UBA2: variants seen among roughly 807,000 people sequenced by gnomAD.
UBA2 encodes the protein ubiquitin like modifier activating enzyme 2, also known as SUMO-activating enzyme subunit 2.
A neutral mutation model predicts 77.2 loss-of-function variants in UBA2; 11 were observed. The ratio of observed to expected loss-of-function variants is 0.14; its 90% CI spans 0.09 to 0.24. The LOEUF (loss-of-function observed/expected upper bound fraction) is 0.24, where lower values mean the gene tolerates loss of function less well. UBA2 is among the 10% of genes least tolerant of loss of function. The pLI is 1.00. For missense variants in UBA2, 487 were observed against 781.7 expected, an observed-to-expected ratio of 0.62 and a Z score of 4.50; for synonymous variants, 278 against 276.7, an observed-to-expected ratio of 1.00 and a Z score of -0.05.
chr19:34,433,551 C>A, intron 4 of UBA2, 139 bp downstream of exon 4: 1 of 645,464 alleles, frequency 1.5e-6, no homozygotes, highest in Non-Finnish European at 2.6e-6. Flanking sequence ...TTAAAGCATG[C>A]CCATTGATTG....
intron 13 of UBA2, 50 bp downstream of exon 13, chr19:34,458,974 G>A: frequency 1.3e-6 from 2 of 1,518,712 alleles, no homozygotes; most frequent in Non-Finnish European, 1.8e-6. Flanking sequence ...CAGTATTACT[G>A]TGATGACAAA....
intron 12 of UBA2, among the ~76,000 whole-genome samples, chr19:34,458,309 A>C (rs1568382302): frequency 6.6e-6 from 1 of 151,862 alleles, no homozygotes. Flanking sequence ...TAATCCCAGC[A>C]CTTTGGGAGG....
At chr19:34,456,939 A>G (rs1466275684) in intron 12 of UBA2, among the ~76,000 whole-genome samples, 3 of 151,734 alleles carry the variant, frequency 2.0e-5, no homozygotes, top group Admixed American at 2.0e-4. Context: ...CACCAACAGT[A>G]CTAATTACTG....
At chr19:34,462,346 A>G (rs1167581079) in intron 14 of UBA2, among the ~76,000 whole-genome samples, 3 of 152,230 alleles carry the variant, frequency 2.0e-5, no homozygotes, top group Admixed American at 6.5e-5. Flanking sequence ...AGGCGAGCAC[A>G]AGACTTCACA....
At chr19:34,467,481 A>G (rs2075699756) in intron 16 of UBA2, among the ~76,000 whole-genome samples, 1 of 151,624 alleles carries the variant, frequency 6.6e-6, no homozygotes, top group African/African-American at 2.4e-5. Context: ...AAAAAAAAAA[A>G]AAGTCATTTA....
chr19:34,431,397 A>G (rs534450991), intron 2 of UBA2, among the ~76,000 whole-genome samples: 1 of 151,964 alleles, frequency 6.6e-6, no homozygotes, highest in East Asian at 1.9e-4. Context: ...GATTACAGGC[A>G]TGAGCCACCA....
chr19:34,431,424 G>A (rs2075254341), intron 2 of UBA2, among the ~76,000 whole-genome samples: 1 of 151,218 alleles, frequency 6.6e-6, no homozygotes, highest in South Asian at 2.1e-4. Flanking sequence ...GCCTTTTCCT[G>A]TCATTCTCAT....
In UBA2 at chr19:34,458,908, T is replaced by G. The variant is rs2075601793; in HGVS notation, c.1385T>G (p.Leu462Arg). ...VRLNVHKVTV[L>R]TLQDKIVKEK... ...CTGAATGTCCATAAAGTGACTGTTC[T>G]CACCTTACAAGACAAGGTCAGTGCA... The change falls in exon 13 of 17, where the codon CTC (leucine) becomes CGC (arginine). Residue 462 changes from leucine to arginine, a missense_variant. Physicochemically the swap from Leu to Arg is moderately radical, Grantham distance 102. This residue lies in a region of UBA2 where 300 missense variants were observed against 454.3 expected (regional missense o/e 0.66). Transcript: ENST00000246548. The G allele has an allele frequency of 6.2e-7, 1 of 1,613,754 alleles. No homozygotes were observed. The highest frequency in any genetic ancestry group is 1.7e-5 in the Admixed American group (1 of 59,920).
At chr19:34,450,505 C>T (rs878929909) in intron 9 of UBA2, 141 bp downstream of exon 9, 1 of 530,858 alleles carries the variant, frequency 1.9e-6, no homozygotes, top group Non-Finnish European at 3.2e-6. Context: ...ACAAAAGTCA[C>T]TGAAGTCCCA....
At position 34,450,248 on chromosome 19, in the gene UBA2, T is replaced by C. The variant is rs772938339; in HGVS notation, c.772-17T>C. 1 of 1,576,200 alleles carries C rather than the reference T, an allele frequency of 6.3e-7. No individual in the cohort carries two copies. Among genetic ancestry groups the C allele is most frequent in the Non-Finnish European group, 8.7e-7 (1 of 1,150,796 alleles). ...TAGGGATTATGGGGTTCATGGGATC[T>C]GTCTTTCTTTTGTAAGCTTTTTAAA... On this transcript the variant is annotated splice_polypyrimidine_tract_variant and intron_variant, in intron 8 of 16. Transcript: ENST00000246548.
intron 12 of UBA2, among the ~76,000 whole-genome samples, chr19:34,456,100 C>CTTTTCTTTTTTT (rs2075557152): frequency 3.0e-4 from 17 of 55,798 alleles, no homozygotes; most frequent in Middle Eastern, 0.019. Context: ...TTTTCCTTTT[C>CTTTTCTTTTTTT]TTTTTCTTTT....
chr19:34,466,730 A>G, intron 15 of UBA2, 148 bp from the exon 16 acceptor site: 1 of 597,804 alleles, frequency 1.7e-6, no homozygotes. Flanking sequence ...CCTATCTCTC[A>G]TTTTTTTTTA....
intron 10 of UBA2, among the ~76,000 whole-genome samples, chr19:34,453,517 C>CTTT (rs560242991): frequency 6.3e-5 from 8 of 127,332 alleles, no homozygotes; most frequent in Non-Finnish European, 1.2e-4. Flanking sequence ...AATGAAACAG[C>CTTT]TTTTTTTTTT....
In UBA2 at chr19:34,452,052, G is replaced by A; in HGVS notation, c.943G>A (p.Val315Ile). Reference protein sequence around the residue: ...LGLKDQQVLDVKSYARLFSKS... With the variant: ...LGLKDQQVLDIKSYARLFSKS... ...CCTGAAAGACCAGCAGGTTCTAGAT[G>A]TAAAGAGCTATGCACGTCTTTTTTC... The change falls in exon 10 of 17, where the codon GTA (valine) becomes ATA (isoleucine). Residue 315 changes from valine to isoleucine, a missense_variant. Val to Ile is a conservative substitution (Grantham distance 29). Around this residue, in one of 9 missense-constraint regions of UBA2, gnomAD observed 300 missense variants for 454.3 expected, o/e 0.66. Transcript: ENST00000246548. 1 of 1,611,334 alleles carries A rather than the reference G, an allele frequency of 6.2e-7. No homozygotes were observed. Among genetic ancestry groups the A allele is most frequent in the Non-Finnish European group, 8.5e-7 (1 of 1,178,034 alleles).
intron 9 of UBA2, among the ~76,000 whole-genome samples, chr19:34,451,557 T>G (rs2075498040): frequency 7.4e-6 from 1 of 135,260 alleles, no homozygotes; most frequent in African/African-American, 2.8e-5. Context: ...TTTTTTTTTT[T>G]TTTTTTTTGA....
At chr19:34,441,150 C>T (rs1262006141) in intron 6 of UBA2, among the ~76,000 whole-genome samples, 1 of 151,994 alleles carries the variant, frequency 6.6e-6, no homozygotes, top group Non-Finnish European at 1.5e-5. Flanking sequence ...AAAGTTTCTA[C>T]TAAAACAGAA....
chr19:34,441,850 G>A (rs940607676), intron 6 of UBA2, among the ~76,000 whole-genome samples: 2 of 151,910 alleles, frequency 1.3e-5, no homozygotes, highest in African/African-American at 2.4e-5. Flanking sequence ...GAACCTGGGA[G>A]GCGGAGGTTG....
intron 16 of UBA2, 28 bp downstream of exon 16, chr19:34,467,042 T>C: frequency 6.2e-7 from 1 of 1,603,326 alleles, no homozygotes; most frequent in East Asian, 2.2e-5. Flanking sequence ...CAGCAGGTTG[T>C]TAAATACCCA....
At position 34,431,244 on chromosome 19, in the gene UBA2, C is replaced by CTTTTTTTTTTTTTTT. The variant is rs1184297228; in HGVS notation, c.222+595_223-593dup. ...TTTACTTTTCCTATCATTTTCTTTT[C>CTTTTTTTTTTTTTTT]TTTTTTTTTTTTTTTTTTTTTTTTA... On this transcript the variant is annotated intron_variant, in intron 2 of 16. Coordinates refer to ENST00000246548, the MANE Select transcript of UBA2 (RefSeq NM_005499.3). Among the ~76,000 whole-genome samples, 113 of 69,368 alleles carry CTTTTTTTTTTTTTTT rather than the reference C, an allele frequency of 1.6e-3. 8 individuals carry two copies. Among genetic ancestry groups the CTTTTTTTTTTTTTTT allele is most frequent in the East Asian group, 8.4e-3 (16 of 1,912 alleles). 45.5% of individuals were successfully genotyped at this position (69,368 alleles called of 152,430 possible).
Sources: gnomAD v4.1 joint callset for allele counts (sites outside exome capture counted in the v4.1 genomes callset) on GRCh38, gnomAD v4.1.1 for gene constraint, gnomAD v4.1.1 regional missense constraint, MANE v1.5 for transcripts, NCBI Gene and HGNC (gene_info 2026-07-23, HGNC 2026-07-21) for gene names.